Variants in IMMP2L observed in about 807,000 individuals in gnomAD.
The protein encoded by IMMP2L is mitochondrial inner membrane protease subunit 2.
IMMP2L carries 18 observed loss-of-function variants against 19.3 expected under a neutral mutation model. The ratio of observed to expected loss-of-function variants is 0.93; its 90% CI spans 0.64 to 1.38. IMMP2L has a LOEUF of 1.38. IMMP2L is among the 40% of genes most tolerant of loss of function. The probability of loss-of-function intolerance (pLI) is 0.00; values close to 1 mark genes in which losing one functional copy is unlikely to be tolerated. For missense variants in IMMP2L, 233 were observed against 218.2 expected, an observed-to-expected ratio of 1.07 and a Z score of -0.43; for synonymous variants, 76 against 73.0, an observed-to-expected ratio of 1.04 and a Z score of -0.21.
chr7:110,699,006 G>A (rs1356339504), intron 5 of IMMP2L, among the ~76,000 whole-genome samples: 3 of 152,154 alleles, frequency 2.0e-5, no homozygotes, highest in Non-Finnish European at 4.4e-5. Flanking sequence ...TCAGCGGAGT[G>A]TCAAACAGAC....
intron 3 of IMMP2L, among the ~76,000 whole-genome samples, chr7:111,229,766 C>G (rs1813524188): frequency 6.6e-6 from 1 of 151,916 alleles, no homozygotes; most frequent in African/African-American, 2.4e-5. Flanking sequence ...ATTTCAGAGG[C>G]AAATGTTTGA....
At chr7:110,815,657 C>A (rs1404576955) in intron 5 of IMMP2L, among the ~76,000 whole-genome samples, 5 of 152,058 alleles carry the variant, frequency 3.3e-5, no homozygotes, top group Admixed American at 3.3e-4. Context: ...TGTTACTGGT[C>A]TATTCAGAGA....
At chr7:111,484,448 CTTAT>C (rs1039460028) in intron 3 of IMMP2L, among the ~76,000 whole-genome samples, 45 of 152,144 alleles carry the variant, frequency 3.0e-4, no homozygotes, top group Admixed American at 1.1e-3. Flanking sequence ...TCAAAGATTA[CTTAT>C]TTATCAATGA....
intron 5 of IMMP2L, among the ~76,000 whole-genome samples, chr7:110,798,504 T>C (rs1801018302): frequency 6.6e-6 from 1 of 152,050 alleles, no homozygotes. Context: ...GATGAATGAT[T>C]GAATAAACAA....
intron 5 of IMMP2L, among the ~76,000 whole-genome samples, chr7:110,808,912 C>T (rs565197810): frequency 6.6e-6 from 1 of 152,082 alleles, no homozygotes; most frequent in African/African-American, 2.4e-5. Context: ...TCATAATCCT[C>T]GACATCATAA....
intron 5 of IMMP2L, among the ~76,000 whole-genome samples, chr7:110,860,367 T>C (rs1807271375): frequency 6.6e-6 from 1 of 152,160 alleles, no homozygotes; most frequent in Non-Finnish European, 1.5e-5. Flanking sequence ...CTGTATGTAG[T>C]ACATTCTTGG....
intron 5 of IMMP2L, among the ~76,000 whole-genome samples, chr7:110,829,296 T>C (rs1803761819): frequency 6.6e-6 from 1 of 152,204 alleles, no homozygotes; most frequent in Admixed American, 6.5e-5. Context: ...TCATCTCCTT[T>C]ATAATTCTCA....
intron 5 of IMMP2L, among the ~76,000 whole-genome samples, chr7:110,798,244 T>C (rs1266455578): frequency 6.6e-6 from 1 of 151,998 alleles, no homozygotes; most frequent in Non-Finnish European, 1.5e-5. Flanking sequence ...ATAAAATTCA[T>C]CTTATTTCAA....
intron 3 of IMMP2L, among the ~76,000 whole-genome samples, chr7:111,210,402 T>C (rs567428967): frequency 3.9e-5 from 6 of 152,314 alleles, no homozygotes; most frequent in Non-Finnish European, 5.9e-5. Flanking sequence ...ACTAACAAAA[T>C]TCCTCAAAAC....
intron 3 of IMMP2L, among the ~76,000 whole-genome samples, chr7:111,311,233 C>A (rs1423608204): frequency 6.6e-6 from 1 of 151,618 alleles, no homozygotes; most frequent in Non-Finnish European, 1.5e-5. Flanking sequence ...TAAACAAACT[C>A]CCTGGAACTA....
intron 3 of IMMP2L, among the ~76,000 whole-genome samples, chr7:111,403,976 C>A (rs1354815794): frequency 3.9e-5 from 6 of 151,994 alleles, no homozygotes; most frequent in Non-Finnish European, 8.8e-5. Context: ...GGAACAACCC[C>A]CCCACAAACA....
At chr7:111,201,404 C>A (rs761052252) in intron 3 of IMMP2L, among the ~76,000 whole-genome samples, 1 of 151,918 alleles carries the variant, frequency 6.6e-6, no homozygotes, top group Non-Finnish European at 1.5e-5. Flanking sequence ...GAAACCTAAT[C>A]CCCACTGCAA....
At chr7:111,140,110 G>C (rs1802730119) in intron 3 of IMMP2L, among the ~76,000 whole-genome samples, 1 of 151,980 alleles carries the variant, frequency 6.6e-6, no homozygotes, top group East Asian at 1.9e-4. Context: ...TGAGACATAA[G>C]AACTAAAAGG....
chr7:111,253,521 T>C lies in IMMP2L; in HGVS notation c.239+233717A>G, dbSNP rs573968891. Among the ~76,000 whole-genome samples the C allele has an allele frequency of 2.6e-5, 4 of 152,266 alleles. No homozygotes were observed. In the East Asian group the frequency reaches 7.7e-4, roughly 29 times the overall value. On this transcript the variant is annotated intron_variant, in intron 3 of 5. Transcript: ENST00000405709. ...TGAAAGGAGGCTGCATATGATTCTA[T>C]TTGGCTGTGAAGACTGCCAGAAAAT...
rs1848315059 is a variant in IMMP2L, at chr7:111,539,315, C to A, written c.-2-17866G>T. On this transcript the variant is annotated intron_variant, in intron 1 of 5. Coordinates refer to ENST00000405709, the MANE Select transcript of IMMP2L (RefSeq NM_032549.4). ...ACATATATATCTGTATATTGAACTT[C>A]AGGAAGTTGACTTTTCTGTATTTTT... 2.0e-5 allele frequency among the ~76,000 whole-genome samples: 3 copies of A among 152,090 alleles called. No homozygotes were observed. In the South Asian group the frequency reaches 6.2e-4, roughly 32 times the overall value.
At chr7:110,772,836 C>A (rs1166434620) in intron 5 of IMMP2L, among the ~76,000 whole-genome samples, 1 of 152,112 alleles carries the variant, frequency 6.6e-6, no homozygotes. Flanking sequence ...GTATTACTGG[C>A]AGGAGGCCTT....
At position 111,124,059 on chromosome 7, in the gene IMMP2L, T is replaced by C. The variant is rs749439264; in HGVS notation, c.240-160494A>G. On this transcript the variant is annotated intron_variant, in intron 3 of 5. Transcript: ENST00000405709. ...CTCTTATAGCTCCTGAGAGCTTTCCTTCTAATCTAAATGTAGAAGCTGGGA... is the reference window on the plus strand; with the variant it reads ...CTCTTATAGCTCCTGAGAGCTTTCCCTCTAATCTAAATGTAGAAGCTGGGA... 2.5e-6 allele frequency: 4 copies of C among 1,613,928 alleles called. No individual in the cohort carries two copies. The African/African-American group carries it at 4.0e-5, about 16-fold the overall frequency.
At chr7:110,843,830 G>T (rs1317188119) in intron 5 of IMMP2L, among the ~76,000 whole-genome samples, 3 of 152,288 alleles carry the variant, frequency 2.0e-5, no homozygotes, top group African/African-American at 7.2e-5. Flanking sequence ...GCCAAGGGAA[G>T]AATATTCTGG....
intron 3 of IMMP2L, among the ~76,000 whole-genome samples, chr7:111,048,095 C>A (rs1721425578): frequency 6.6e-6 from 1 of 151,556 alleles, no homozygotes; most frequent in African/African-American, 2.4e-5. Flanking sequence ...AAAAAATTAG[C>A]CGGGCGTGGT....
Sources: allele counts gnomAD v4.1 joint callset (sites outside exome capture counted in the v4.1 genomes callset), GRCh38; gene constraint gnomAD v4.1.1; transcripts MANE v1.5; gene names NCBI Gene and HGNC (gene_info 2026-07-23, HGNC 2026-07-21).